CACNA1B: variants seen among roughly 807,000 people sequenced by gnomAD.
CACNA1B encodes calcium voltage-gated channel subunit alpha1 B, also known as voltage-dependent N-type calcium channel subunit alpha-1B.
In CACNA1B, 70 loss-of-function variants were observed where a neutral mutation model predicts 247.2. The observed-to-expected ratio is 0.28, with a 90% confidence interval of 0.23 to 0.35. The LOEUF (loss-of-function observed/expected upper bound fraction) is 0.35, where lower values mean the gene tolerates loss of function less well. Among genes scored for constraint, CACNA1B ranks in the 10% least tolerant of loss-of-function variants. The pLI, the probability that CACNA1B is intolerant of heterozygous loss-of-function variation, is 1.00. For synonymous variants in CACNA1B, 1,231 were observed against 1,294.4 expected, an observed-to-expected ratio of 0.95 and a Z score of 1.05; for missense variants, 2,367 against 3,197.4, an observed-to-expected ratio of 0.74 and a Z score of 6.26.
chr9:138,104,524 G>A (rs62579478), intron 38 of CACNA1B, among the ~76,000 whole-genome samples: 28,516 of 152,256 alleles, frequency 0.19, 3,047 homozygotes, highest in East Asian at 0.47. Flanking sequence ...CTGGGACTAG[G>A]ACTGGACGTG....
At chr9:137,922,555 G>A (rs962763920) in intron 6 of CACNA1B, among the ~76,000 whole-genome samples, 2 of 152,160 alleles carry the variant, frequency 1.3e-5, no homozygotes, top group East Asian at 1.9e-4. Flanking sequence ...GTGGGACAAC[G>A]CCCTGGAATG....
chr9:138,013,320 C>A, intron 18 of CACNA1B, 85 bp downstream of exon 18: 1 of 982,122 alleles, frequency 1.0e-6, no homozygotes, highest in Non-Finnish European at 1.5e-6. Flanking sequence ...GCACCCCTTC[C>A]AGAGGCTTCC....
At position 138,006,868 on chromosome 9, in the gene CACNA1B, G is replaced by C. The variant is rs201843905; in HGVS notation, c.2076G>C (p.Leu692=). The change falls in exon 16 of 47, where the codon CTG becomes CTC. Residue 692 remains leucine, a synonymous_variant. Coordinates refer to ENST00000371372, the MANE Select transcript of CACNA1B (RefSeq NM_000718.4). ...TCTCGTCCTTTTACTTCATTGTCCT[G>C]ACACTGTTCGGAAACTGTATCCTTC... ...GMFSSFYFIV[L]TLFGNYTLLN... is the part of the protein sequence containing the mutation. The C allele has an allele frequency of 6.3e-7, 1 of 1,591,384 alleles. No individual in the cohort carries two copies. The highest frequency in any genetic ancestry group is 1.1e-5 in the South Asian group (1 of 90,404).
intron 43 of CACNA1B, 54 bp from the exon 44 acceptor site, chr9:138,118,598 A>G: frequency 1.2e-6 from 1 of 868,138 alleles, no homozygotes; most frequent in Non-Finnish European, 1.9e-6. Flanking sequence ...GGGTGGGATC[A>G]GATGAGTCCG....
Position 138,057,813 on chromosome 9 carries a change from T to C in CACNA1B, c.4050T>C (p.Asn1350=), listed in dbSNP as rs201365556. 1 of 1,613,040 alleles carries C rather than the reference T, an allele frequency of 6.2e-7. No individual in the cohort carries two copies. The highest frequency in any genetic ancestry group is 1.3e-5 in the African/African-American group (1 of 74,936). The part of the protein sequence containing the change: ...QWKKYDFHYD[N]VLWALLTLFT... ...AGAAATACGACTTTCACTACGACAA[T>C]GTGCTCTGGGCTCTGCTGACGCTGT... Residue 1350 remains asparagine (N), a synonymous_variant, in exon 27 of 47, where the codon AAT becomes AAC. Coordinates refer to ENST00000371372, the MANE Select transcript of CACNA1B (RefSeq NM_000718.4). The surrounding 1 kb of genome is among the most constrained non-coding windows in gnomAD (Gnocchi z 4.0).
At chr9:138,005,657 C>T (rs533047449) in intron 15 of CACNA1B, among the ~76,000 whole-genome samples, 23 of 152,226 alleles carry the variant, frequency 1.5e-4, no homozygotes, top group African/African-American at 4.8e-4. Flanking sequence ...GATGGATATC[C>T]GAATACCCTA....
At chr9:137,902,741 C>T (rs1413016963) in intron 3 of CACNA1B, among the ~76,000 whole-genome samples, 1 of 152,176 alleles carries the variant, frequency 6.6e-6, no homozygotes, top group African/African-American at 2.4e-5. Flanking sequence ...CAATTGATAT[C>T]ACCCTCCAGG....
At chr9:138,094,937 A>G (rs2168525) in intron 36 of CACNA1B, among the ~76,000 whole-genome samples, 21,394 of 152,178 alleles carry the variant, frequency 0.14, 2,007 homozygotes, top group East Asian at 0.32. Context: ...TTGGACCTCT[A>G]CCTCACTCAA....
rs200514273 is a variant in CACNA1B, at chr9:137,914,853, G to A, written c.775+47G>A. On this transcript the variant is annotated intron_variant, in intron 5 of 46. Coordinates refer to ENST00000371372, the MANE Select transcript of CACNA1B (RefSeq NM_000718.4). The surrounding 1 kb of genome is among the most constrained non-coding windows in gnomAD (Gnocchi z 4.3). ...CAGCACAGGCAAGTGCCACGGATGC[G>A]TTCATCCAGGAGATGGGCACTGTTC... 43 of 1,602,228 alleles carry A rather than the reference G, an allele frequency of 2.7e-5. No individual in the cohort carries two copies. Among genetic ancestry groups the A allele is most frequent in the Middle Eastern group, 1.7e-4 (1 of 6,044 alleles).
chr9:137,972,317 A>T (rs1288495384), intron 11 of CACNA1B, among the ~76,000 whole-genome samples: 1 of 152,172 alleles, frequency 6.6e-6, no homozygotes, highest in Non-Finnish European at 1.5e-5. Context: ...TCAGGTAGTG[A>T]TTCAGCCCTC....
In CACNA1B at chr9:137,967,126, C is replaced by A. The variant is rs1019237992; in HGVS notation, c.1334-4257C>A. ...TGTTTATTGCTCCTCTCCTCCCTTG[C>A]TTATTTTTACTCTCTAATTCTTCTG... On this transcript the variant is annotated intron_variant, in intron 10 of 46. Transcript: ENST00000371372. Among the ~76,000 whole-genome samples, 12 of 152,246 alleles carry A rather than the reference C, an allele frequency of 7.9e-5. No individual in the cohort carries two copies. In the South Asian group the frequency reaches 2.3e-3, roughly 29 times the overall value.
chr9:137,994,937 G>T lies in CACNA1B; in HGVS notation c.1974+8083G>T, dbSNP rs139247449. Among the ~76,000 whole-genome samples, 826 of 152,322 alleles carry T rather than the reference G, an allele frequency of 5.4e-3. 6 individuals carry two copies. The highest frequency in any genetic ancestry group is 0.019 in the African/African-American group (785 of 41,576). On this transcript the variant is annotated intron_variant, in intron 15 of 46. Transcript: ENST00000371372. ...TAAGCAAAAAAGGCCAGGTGCAGTG[G>T]CTCTTGCCTGTAATCCCAGCACTTT... is the stretch of plus-strand genomic sequence containing the variant.
At chr9:138,069,539 A>G (rs761200043) in intron 31 of CACNA1B, among the ~76,000 whole-genome samples, 4 of 152,206 alleles carry the variant, frequency 2.6e-5, no homozygotes, top group Non-Finnish European at 5.9e-5. Flanking sequence ...TAGTTAAGTA[A>G]TCAGAGTTTG....
chr9:138,086,187 C>G (rs1960687789), intron 36 of CACNA1B, among the ~76,000 whole-genome samples: 2 of 151,158 alleles, frequency 1.3e-5, no homozygotes, highest in African/African-American at 4.9e-5. Context: ...AGTATATAAA[C>G]TGGCTGAATA....
chr9:138,064,073 T>C (rs1418592683), intron 31 of CACNA1B, among the ~76,000 whole-genome samples: 3 of 152,100 alleles, frequency 2.0e-5, no homozygotes, highest in Admixed American at 1.3e-4. Context: ...GATTCATTGG[T>C]GTCCTGGCCC....
intron 38 of CACNA1B, among the ~76,000 whole-genome samples, 188 bp from the exon 39 acceptor site, chr9:138,105,511 G>A (rs1265696622): frequency 1.3e-5 from 2 of 152,094 alleles, no homozygotes; most frequent in Admixed American, 6.5e-5. Flanking sequence ...TTTGTGGGGC[G>A]GGGAGTCCAG....
At chr9:137,968,356 G>C (rs1958105748) in intron 10 of CACNA1B, among the ~76,000 whole-genome samples, 1 of 152,240 alleles carries the variant, frequency 6.6e-6, no homozygotes. Context: ...TGTCGGCCCT[G>C]ACGCCTTGTC....
intron 31 of CACNA1B, among the ~76,000 whole-genome samples, chr9:138,062,603 C>T (rs1279002803): frequency 1.3e-5 from 2 of 152,184 alleles, no homozygotes; most frequent in Non-Finnish European, 2.9e-5. Context: ...GCCACCAGGG[C>T]CAGGAAGTAG....
intron 42 of CACNA1B, among the ~76,000 whole-genome samples, chr9:138,117,649 A>G (rs948836807): frequency 1.2e-4 from 19 of 152,262 alleles, no homozygotes; most frequent in Non-Finnish European, 1.5e-5. Flanking sequence ...AGACTTGAGC[A>G]CTGTGGGCTG....
Sources: gnomAD v4.1 joint callset for allele counts (sites outside exome capture counted in the v4.1 genomes callset) on GRCh38, gnomAD v4.1.1 for gene constraint, Gnocchi (gnomAD v3.1) non-coding constraint, MANE v1.5 for transcripts, NCBI Gene and HGNC (gene_info 2026-07-23, HGNC 2026-07-21) for gene names.